The following CSPG5 variants were observed in gnomAD, a reference collection of about 807,000 sequenced individuals.
CSPG5 encodes the protein chondroitin sulfate proteoglycan 5.
CSPG5 carries 25 observed loss-of-function variants against 39.8 expected under a neutral mutation model. That is an observed-to-expected ratio of 0.63 (90% CI 0.46 to 0.88). The LOEUF (loss-of-function observed/expected upper bound fraction) is 0.88, where lower values mean the gene tolerates loss of function less well. Ranked by LOEUF, CSPG5 falls within the 40% of genes least tolerant of loss-of-function variation. The pLI, the probability that CSPG5 is intolerant of heterozygous loss-of-function variation, is 0.00. For missense variants in CSPG5, 627 were observed against 702.2 expected (o/e 0.89, Z 1.21); for synonymous variants, 295 against 303.9 (o/e 0.97, Z 0.31).
Position 47,578,345 on chromosome 3 carries a change from G to T in CSPG5, c.97+252C>A, listed in dbSNP as rs1486739818. 1.1e-5 allele frequency among the ~76,000 whole-genome samples: 1 copy of T among 95,146 alleles called. No individual in the cohort carries two copies. Among genetic ancestry groups the T allele is most frequent in the Non-Finnish European group, 2.3e-5 (1 of 44,436 alleles). 62.4% of individuals were successfully genotyped at this position (95,146 alleles called of 152,430 possible). A position where few individuals can be genotyped will look rare whatever the true frequency, so the allele number is the denominator to read the frequency against. ...CGGCCCCGCCCCGGCCCCGCCCCCG[G>T]CCCCGCCCCCAGTCCGCACCGCGGC... On this transcript the variant is annotated intron_variant, in intron 1 of 4. Coordinates refer to ENST00000264723, the MANE Select transcript of CSPG5 (RefSeq NM_006574.4). The surrounding 1 kb of genome is among the most constrained non-coding windows in gnomAD (Gnocchi z 6.0).
At position 47,577,698 on chromosome 3, in the gene CSPG5, C is replaced by T. The variant is rs549444682; in HGVS notation, c.328G>A (p.Gly110Arg). The T allele has an allele frequency of 1.9e-6, 3 of 1,585,354 alleles. No individual in the cohort carries two copies. The highest frequency in any genetic ancestry group is 1.1e-5 in the South Asian group (1 of 87,156). ...WLEADSPGLG[G>R]VTAEAGSGDA... ...CCGCTGCCCGCCTCTGCGGTCACTC[C>T]TCCCAGGCCTGGGCTGTCAGCTTCC... Residue 110 changes from glycine to arginine, a missense_variant, in exon 2 of 5, where the codon GGA becomes AGA. By Grantham distance (125) the Gly-to-Arg change is moderately radical. Coordinates refer to ENST00000264723, the MANE Select transcript of CSPG5 (RefSeq NM_006574.4). This position sits in a 1 kb window ranked among gnomAD's most constrained non-coding sequence, Gnocchi z 4.7.
chr3:47,578,210 C>T lies in CSPG5; in HGVS notation c.98-282G>A, dbSNP rs2031848699. ...AGAGCCAGGCCAGGGCGGCCCCCAG[C>T]TCGGCCCACCCATAAGTCTCACCCT... On this transcript the variant is annotated intron_variant, in intron 1 of 4. Transcript: ENST00000264723. This position sits in a 1 kb window ranked among gnomAD's most constrained non-coding sequence, Gnocchi z 6.0. 3 of 386,468 alleles carry T rather than the reference C, an allele frequency of 7.8e-6. No homozygotes were observed. In the Admixed American group the frequency reaches 1.4e-4, roughly 18 times the overall value. The allele number at this position is 386,468 out of a possible 1,614,324, so 23.9% of individuals were successfully genotyped here.
At chr3:47,575,234 T>G (rs1384891007) in intron 2 of CSPG5, among the ~76,000 whole-genome samples, 3 of 152,190 alleles carry the variant, frequency 2.0e-5, no homozygotes, top group Non-Finnish European at 4.4e-5. Flanking sequence ...GAGACCAGCC[T>G]GGCCAATATG....
chr3:47,571,349 C>T (rs1280512576), intron 3 of CSPG5, among the ~76,000 whole-genome samples: 1 of 152,206 alleles, frequency 6.6e-6, no homozygotes, highest in African/African-American at 2.4e-5. Flanking sequence ...GGGTCCTGCA[C>T]CTGGCCTCAG....
In CSPG5 at chr3:47,578,331, C is replaced by T. The variant is rs2031855859; in HGVS notation, c.97+266G>A. On this transcript the variant is annotated intron_variant, in intron 1 of 4. Transcript: ENST00000264723. This position sits in a 1 kb window ranked among gnomAD's most constrained non-coding sequence, Gnocchi z 6.0. ...CTCAGGCCCCGCCCCGGCCCCGCCCCGGCCCCGCCCCCGGCCCCGCCCCCA... is the reference window on the plus strand; with the variant it reads ...CTCAGGCCCCGCCCCGGCCCCGCCCTGGCCCCGCCCCCGGCCCCGCCCCCA... 6.7e-6 allele frequency among the ~76,000 whole-genome samples: 1 copy of T among 149,808 alleles called. No individual in the cohort carries two copies. Among genetic ancestry groups the T allele is most frequent in the Non-Finnish European group, 1.5e-5 (1 of 67,182 alleles).
At chr3:47,566,336 C>T (rs898500285) in intron 4 of CSPG5, among the ~76,000 whole-genome samples, 1 of 152,168 alleles carries the variant, frequency 6.6e-6, no homozygotes, top group Non-Finnish European at 1.5e-5. Flanking sequence ...TGTCTCTCCT[C>T]CCGTATCATC....
rs748349383 is a variant in CSPG5, at chr3:47,562,812, A to G, written c.1459-51T>C. The G allele has an allele frequency of 8.7e-6, 13 of 1,490,136 alleles. No individual in the cohort carries two copies. The East Asian group carries it at 2.8e-4, about 32-fold the overall frequency. The allele number at this position is 1,490,136 out of a possible 1,614,324, so 92.3% of individuals were successfully genotyped here. A position where few individuals can be genotyped will look rare whatever the true frequency, so the allele number is the denominator to read the frequency against. ...GGGGAGACAATGCATACAGCAACCAAATAATAATATCAGCGTTTTCTATCT... is the reference window on the plus strand; with the variant it reads ...GGGGAGACAATGCATACAGCAACCAGATAATAATATCAGCGTTTTCTATCT... On this transcript the variant is annotated intron_variant, in intron 4 of 4. Transcript: ENST00000264723.
Position 47,577,082 on chromosome 3 carries a change from T to C in CSPG5, c.944A>G (p.Gln315Arg), listed in dbSNP as rs770381855. The C allele has an allele frequency of 1.1e-5, 18 of 1,613,640 alleles. No individual in the cohort carries two copies. In the Admixed American group the frequency reaches 1.8e-4, roughly 16 times the overall value. ...GACAGCATGCCACCGACTGGTGGGC[T>C]GGCCTGTCCCGGGCCCCAGACCAGG... ...GKPGLGPGTG[Q>R]PTSRWHAVPP... The change falls in exon 2 of 5, where the codon CAG becomes CGG. Residue 315 changes from glutamine to arginine, a missense_variant. Physicochemically the swap from Gln to Arg is conservative, Grantham distance 43. Coordinates refer to ENST00000264723, the MANE Select transcript of CSPG5 (RefSeq NM_006574.4). This position sits in a 1 kb window ranked among gnomAD's most constrained non-coding sequence, Gnocchi z 4.7.
rs2031566866 is a variant in CSPG5 at position 47,572,687 on chromosome 3, T to C, written c.1381A>G (p.Asn461Asp). The C allele has an allele frequency of 6.2e-7, 1 of 1,612,868 alleles. No homozygotes were observed. The highest frequency in any genetic ancestry group is 8.5e-7 in the Non-Finnish European group (1 of 1,179,046). Residue 461 changes from asparagine to aspartate, a missense_variant and splice_region_variant, in exon 3 of 5, where the codon AAC becomes GAC. Physicochemically the swap from Asn to Asp is conservative, Grantham distance 23. Coordinates refer to ENST00000264723, the MANE Select transcript of CSPG5 (RefSeq NM_006574.4). This position sits in a 1 kb window ranked among gnomAD's most constrained non-coding sequence, Gnocchi z 4.5. ...KTENTKLRRT[N>D]KFRTPSELHN... is the part of the protein sequence containing the mutation. ...GATGGGTGAGTGACACAGACTCACT[T>C]GGTCCTACGCAGCTTGGTATTCTCC...
intron 4 of CSPG5, among the ~76,000 whole-genome samples, chr3:47,565,336 T>A (rs983949785): frequency 7.9e-5 from 12 of 152,180 alleles, no homozygotes; most frequent in Non-Finnish European, 1.5e-4. Flanking sequence ...GGCAAAGGAA[T>A]GTCTACACCA....
At position 47,572,545 on chromosome 3, in the gene CSPG5, C is replaced by G; in HGVS notation, c.1382+141G>C. 1.4e-6 allele frequency: 1 copy of G among 727,874 alleles called. No homozygotes were observed. The highest frequency in any genetic ancestry group is 2.3e-6 in the Non-Finnish European group (1 of 428,876). 45.1% of individuals were successfully genotyped at this position (727,874 alleles called of 1,614,324 possible). ...CAGATGAGCCTGAGTGAATTTTTAG[C>G]ACAGACAAAACAGCTGGGAATGGAG... On this transcript the variant is annotated intron_variant, in intron 3 of 4. Transcript: ENST00000264723. This position sits in a 1 kb window ranked among gnomAD's most constrained non-coding sequence, Gnocchi z 4.5.
Position 47,578,142 on chromosome 3 carries a change from A to C in CSPG5, c.98-214T>G. 8.3e-6 allele frequency: 6 copies of C among 722,894 alleles called. No homozygotes were observed. The highest frequency in any genetic ancestry group is 1.1e-5 in the Non-Finnish European group (6 of 522,870). 44.8% of individuals were successfully genotyped at this position (722,894 alleles called of 1,614,324 possible). A position where few individuals can be genotyped will look rare whatever the true frequency, so the allele number is the denominator to read the frequency against. On this transcript the variant is annotated intron_variant, in intron 1 of 4. Coordinates refer to ENST00000264723, the MANE Select transcript of CSPG5 (RefSeq NM_006574.4). The surrounding 1 kb of genome is among the most constrained non-coding windows in gnomAD (Gnocchi z 6.0). ...CAAGACGAGGATCACACCCCGCCCA[A>C]CGCCTCGCGGCTCGGCCCCGCCCGA...
In CSPG5 at chr3:47,577,042, A is replaced by G. The variant is rs1288790638; in HGVS notation, c.984T>C (p.Thr328=). Residue 328 remains threonine (T), a synonymous_variant, in exon 2 of 5, where the codon ACT becomes ACC. Transcript: ENST00000264723. The surrounding 1 kb of genome is among the most constrained non-coding windows in gnomAD (Gnocchi z 4.7). ...TGCTGCTGCCGGGGACCGACCCCAG[A>G]GTGTGCTGTGGAGGGACAGCATGCC... The part of the protein sequence containing the change: ...SRWHAVPPQH[T]LGSVPGSSIA... 1 of 1,613,456 alleles carries G rather than the reference A, an allele frequency of 6.2e-7. No individual in the cohort carries two copies. The highest frequency in any genetic ancestry group is 1.1e-5 in the South Asian group (1 of 91,046).
chr3:47,573,881 C>T (rs1283202430), intron 2 of CSPG5, among the ~76,000 whole-genome samples: 1 of 152,240 alleles, frequency 6.6e-6, no homozygotes, highest in Non-Finnish European at 1.5e-5. Flanking sequence ...ATGCAGACCC[C>T]TGTAAGTGGG....
rs1387424143 is a variant in CSPG5, at chr3:47,578,377, G to T, written c.97+220C>A. 1.6e-5 allele frequency among the ~76,000 whole-genome samples: 2 copies of T among 128,368 alleles called. No homozygotes were observed. The highest frequency in any genetic ancestry group is 5.8e-5 in the African/African-American group (2 of 34,304). 84.2% of individuals were successfully genotyped at this position (128,368 alleles called of 152,430 possible). A position where few individuals can be genotyped will look rare whatever the true frequency, so the allele number is the denominator to read the frequency against. The stretch of plus-strand genomic sequence containing the variant: ...CCCCAGTCCGCACCGCGGCCCGCGC[G>T]CTTGGGTCCCGGCTACCCCAACCGG... On this transcript the variant is annotated intron_variant, in intron 1 of 4. Transcript: ENST00000264723. This position sits in a 1 kb window ranked among gnomAD's most constrained non-coding sequence, Gnocchi z 6.0.
Position 47,578,387 on chromosome 3 carries a change from C to T in CSPG5, c.97+210G>A, listed in dbSNP as rs1188792357. Reference sequence around the variant, plus strand: ...CACCGCGGCCCGCGCGCTTGGGTCCCGGCTACCCCAACCGGGGTCGGCCCC... The same window carrying T: ...CACCGCGGCCCGCGCGCTTGGGTCCTGGCTACCCCAACCGGGGTCGGCCCC... On this transcript the variant is annotated intron_variant, in intron 1 of 4. Coordinates refer to ENST00000264723, the MANE Select transcript of CSPG5 (RefSeq NM_006574.4). This position sits in a 1 kb window ranked among gnomAD's most constrained non-coding sequence, Gnocchi z 6.0. Among the ~76,000 whole-genome samples, 2 of 149,890 alleles carry T rather than the reference C, an allele frequency of 1.3e-5. No homozygotes were observed. Among genetic ancestry groups the T allele is most frequent in the South Asian group, 2.1e-4 (1 of 4,768 alleles).
At chr3:47,563,248 T>C (rs759930628) in intron 4 of CSPG5, among the ~76,000 whole-genome samples, 7 of 152,202 alleles carry the variant, frequency 4.6e-5, no homozygotes, top group Non-Finnish European at 8.8e-5. Flanking sequence ...CTCCTGACTA[T>C]GCTGGGGCCT....
In CSPG5 at chr3:47,572,949, C is replaced by T; in HGVS notation, c.1194-75G>A. 1.6e-6 allele frequency: 2 copies of T among 1,271,010 alleles called. No homozygotes were observed. Among genetic ancestry groups the T allele is most frequent in the East Asian group, 2.4e-5 (1 of 41,692 alleles). 78.7% of individuals were successfully genotyped at this position (1,271,010 alleles called of 1,614,324 possible). ...CCACAGTAAGGGCCTGGGCCCTGACCCCAACACCTATCTCCACAGCCTGTT... is the reference window on the plus strand; with the variant it reads ...CCACAGTAAGGGCCTGGGCCCTGACTCCAACACCTATCTCCACAGCCTGTT... On this transcript the variant is annotated intron_variant, in intron 2 of 4. Transcript: ENST00000264723. This position sits in a 1 kb window ranked among gnomAD's most constrained non-coding sequence, Gnocchi z 4.5.
chr3:47,568,950 C>T, intron 4 of CSPG5: 1 of 820,520 alleles, frequency 1.2e-6, no homozygotes, highest in Non-Finnish European at 1.8e-6. Context: ...TGCTGCCCAA[C>T]TCAGTTGCCC....
Sources: allele counts gnomAD v4.1 joint callset (sites outside exome capture counted in the v4.1 genomes callset), GRCh38; gene constraint gnomAD v4.1.1; non-coding constraint Gnocchi (gnomAD v3.1); transcripts MANE v1.5; gene names NCBI Gene and HGNC (gene_info 2026-07-23, HGNC 2026-07-21).